Variants in PPP2R2A observed in about 807,000 individuals in gnomAD.
The protein encoded by PPP2R2A is serine/threonine-protein phosphatase 2A 55 kDa regulatory subunit B alpha isoform.
A neutral mutation model predicts 53.2 loss-of-function variants in PPP2R2A; 9 were observed. The observed-to-expected ratio is 0.17, with a 90% CI of 0.10 to 0.30. The LOEUF (loss-of-function observed/expected upper bound fraction) is 0.30. Among genes scored for constraint, PPP2R2A ranks in the 10% least tolerant of loss-of-function variants. The pLI, the probability that PPP2R2A is intolerant of heterozygous loss-of-function variation, is 1.00. For missense variants in PPP2R2A, 235 were observed against 534.6 expected, an observed-to-expected ratio of 0.44 and a Z score of 5.53; for synonymous variants, 169 against 174.2, an observed-to-expected ratio of 0.97 and a Z score of 0.23.
At chr8:26,292,768 T>C (rs767333065) in intron 1 of PPP2R2A, among the ~76,000 whole-genome samples, 6 of 152,208 alleles carry the variant, frequency 3.9e-5, no homozygotes, top group Non-Finnish European at 7.3e-5. Flanking sequence ...AGTTGCAGAT[T>C]TAGATTCAGT....
chr8:26,337,238 C>T (rs893771086), intron 2 of PPP2R2A, among the ~76,000 whole-genome samples: 1 of 152,004 alleles, frequency 6.6e-6, no homozygotes, highest in Non-Finnish European at 1.5e-5. Flanking sequence ...TTAACTAGTT[C>T]ATTTGATGGT....
At chr8:26,337,670 G>A (rs9644113) in intron 2 of PPP2R2A, among the ~76,000 whole-genome samples, 9,564 of 152,196 alleles carry the variant, frequency 0.063, 467 homozygotes, top group East Asian at 0.25. Flanking sequence ...GGTAACCACC[G>A]TGGTGTAGCC....
chr8:26,308,671 T>G (rs1425423223), intron 2 of PPP2R2A, among the ~76,000 whole-genome samples: 2 of 152,138 alleles, frequency 1.3e-5, no homozygotes, highest in African/African-American at 4.8e-5. Context: ...CCCCTCGGAG[T>G]TATCCGTGAG....
intron 2 of PPP2R2A, among the ~76,000 whole-genome samples, chr8:26,295,276 T>G (rs1184271680): frequency 6.6e-6 from 1 of 152,196 alleles, no homozygotes; most frequent in Non-Finnish European, 1.5e-5. Flanking sequence ...TTGTTAAACA[T>G]TACGCAGAAA....
At chr8:26,310,691 TG>T (rs1342301046) in intron 2 of PPP2R2A, among the ~76,000 whole-genome samples, 1 of 150,870 alleles carries the variant, frequency 6.6e-6, no homozygotes, top group Non-Finnish European at 1.5e-5. Context: ...TAATGGCTTA[TG>T]GTATTTATTG....
In PPP2R2A at chr8:26,354,413, G is replaced by C; in HGVS notation, c.181-55G>C. The C allele has an allele frequency of 7.3e-7, 1 of 1,366,972 alleles. No homozygotes were observed. The highest frequency in any genetic ancestry group is 2.4e-5 in the East Asian group (1 of 41,602). 84.7% of individuals were successfully genotyped at this position (1,366,972 alleles called of 1,614,324 possible). A position where few individuals can be genotyped will look rare whatever the true frequency, so the allele number is the denominator to read the frequency against. ...GTCCTTTGGAATTGATTACATATTT[G>C]ATTATTTTGAAATATTTTTCAACAA... On this transcript the variant is annotated intron_variant, in intron 3 of 9. Coordinates refer to ENST00000380737, the MANE Select transcript of PPP2R2A (RefSeq NM_002717.4). This position sits in a 1 kb window ranked among gnomAD's most constrained non-coding sequence, Gnocchi z 4.6.
At chr8:26,330,880 C>T (rs1803334421) in intron 2 of PPP2R2A, among the ~76,000 whole-genome samples, 1 of 152,128 alleles carries the variant, frequency 6.6e-6, no homozygotes, top group Admixed American at 6.5e-5. Context: ...TTGATCCTTT[C>T]CAAGGATCAA....
chr8:26,350,310 G>A (rs1341154695), intron 3 of PPP2R2A, among the ~76,000 whole-genome samples: 4 of 152,096 alleles, frequency 2.6e-5, no homozygotes, highest in Non-Finnish European at 4.4e-5. Context: ...TGATCTGCCC[G>A]CCTCAGTCTC....
At chr8:26,337,969 G>GTA (rs769732162) in intron 2 of PPP2R2A, among the ~76,000 whole-genome samples, 4 of 152,196 alleles carry the variant, frequency 2.6e-5, no homozygotes, top group Non-Finnish European at 2.9e-5. Context: ...TTTAAAGTAT[G>GTA]TATATCATCA....
chr8:26,307,127 AC>A (rs977485042), intron 2 of PPP2R2A, among the ~76,000 whole-genome samples: 1 of 152,206 alleles, frequency 6.6e-6, no homozygotes, highest in African/African-American at 2.4e-5. Context: ...TTTTCTTTTA[AC>A]CAGTAGATTA....
At chr8:26,308,733 C>G (rs965030691) in intron 2 of PPP2R2A, among the ~76,000 whole-genome samples, 2 of 152,202 alleles carry the variant, frequency 1.3e-5, no homozygotes, top group African/African-American at 4.8e-5. Flanking sequence ...TTTTGACATC[C>G]TCCCATGAAT....
rs956990932 is a variant in PPP2R2A, at chr8:26,354,685, A to G, written c.346+52A>G. 2 of 1,387,128 alleles carry G rather than the reference A, an allele frequency of 1.4e-6. No homozygotes were observed. Among genetic ancestry groups the G allele is most frequent in the Non-Finnish European group, 1.9e-6 (2 of 1,048,666 alleles). 85.9% of individuals were successfully genotyped at this position (1,387,128 alleles called of 1,614,324 possible). ...TGCCCACTGTGTGTACCTGTTGCAC[A>G]TATCCTGTAGCCTAGGAGAGGAATC... On this transcript the variant is annotated intron_variant, in intron 4 of 9. Coordinates refer to ENST00000380737, the MANE Select transcript of PPP2R2A (RefSeq NM_002717.4). This position sits in a 1 kb window ranked among gnomAD's most constrained non-coding sequence, Gnocchi z 4.6.
intron 2 of PPP2R2A, among the ~76,000 whole-genome samples, chr8:26,305,553 C>G (rs1801979878): frequency 6.6e-6 from 1 of 152,156 alleles, no homozygotes; most frequent in Non-Finnish European, 1.5e-5. Context: ...AGGTGAGACA[C>G]AGCCACAAGT....
At chr8:26,326,203 T>A (rs946457098) in intron 2 of PPP2R2A, among the ~76,000 whole-genome samples, 2 of 152,236 alleles carry the variant, frequency 1.3e-5, no homozygotes, top group African/African-American at 4.8e-5. Flanking sequence ...CTCAGGTCAC[T>A]ATCATTGCTA....
At chr8:26,350,322 CA>C (rs1478307856) in intron 3 of PPP2R2A, among the ~76,000 whole-genome samples, 1 of 152,180 alleles carries the variant, frequency 6.6e-6, no homozygotes, top group Non-Finnish European at 1.5e-5. Flanking sequence ...CTCAGTCTCC[CA>C]AAGTGCTGGG....
intron 2 of PPP2R2A, among the ~76,000 whole-genome samples, chr8:26,297,940 A>G (rs573983911): frequency 1.3e-5 from 2 of 152,256 alleles, no homozygotes; most frequent in Non-Finnish European, 1.5e-5. Context: ...AAATTACAAA[A>G]TACATTCAAA....
At chr8:26,305,062 T>TA in intron 2 of PPP2R2A, among the ~76,000 whole-genome samples, 1 of 152,296 alleles carries the variant, frequency 6.6e-6, no homozygotes, top group Admixed American at 6.5e-5. Flanking sequence ...CTATACCCGT[T>TA]AAATAACTCC....
At chr8:26,296,207 G>A (rs1280016061) in intron 2 of PPP2R2A, among the ~76,000 whole-genome samples, 1 of 152,160 alleles carries the variant, frequency 6.6e-6, no homozygotes, top group East Asian at 1.9e-4. Flanking sequence ...CTTAAATGCA[G>A]TCCCAGTTTT....
At chr8:26,298,565 C>T (rs143163357) in intron 2 of PPP2R2A, 3 of 152,338 alleles carry the variant, frequency 2.0e-5, no homozygotes, top group Non-Finnish European at 4.4e-5. Context: ...CACACATTCT[C>T]TGCTGAACCA....
Sources: allele counts gnomAD v4.1 joint callset (sites outside exome capture counted in the v4.1 genomes callset), GRCh38; gene constraint gnomAD v4.1.1; non-coding constraint Gnocchi (gnomAD v3.1); transcripts MANE v1.5; gene names NCBI Gene and HGNC (gene_info 2026-07-23, HGNC 2026-07-21).